SCAPER: variants seen among roughly 807,000 people sequenced by gnomAD.
The protein encoded by SCAPER is S-phase cyclin A associated protein in the ER.
SCAPER carries 98 observed loss-of-function variants against 182.2 expected under a neutral mutation model. That is an observed-to-expected ratio of 0.54 (90% CI 0.46 to 0.64). The LOEUF (loss-of-function observed/expected upper bound fraction) is 0.64. Ranked by LOEUF, SCAPER falls within the 30% of genes least tolerant of loss-of-function variation. The probability of loss-of-function intolerance (pLI) is 0.00; values close to 1 mark genes in which losing one functional copy is unlikely to be tolerated. For missense variants in SCAPER, 1,432 were observed against 1,690.0 expected, an observed-to-expected ratio of 0.85 and a Z score of 2.68; for synonymous variants, 605 against 564.6, an observed-to-expected ratio of 1.07 and a Z score of -1.01.
At chr15:76,638,058 A>G (rs1230197817) in intron 21 of SCAPER, among the ~76,000 whole-genome samples, 2 of 151,998 alleles carry the variant, frequency 1.3e-5, no homozygotes, top group African/African-American at 4.8e-5. Flanking sequence ...CTTCATTACC[A>G]ATATCTTTTA....
chr15:76,826,131 A>G (rs552401647), intron 5 of SCAPER, among the ~76,000 whole-genome samples: 8 of 152,290 alleles, frequency 5.3e-5, no homozygotes, highest in Admixed American at 2.6e-4. Flanking sequence ...CAATTAAAAA[A>G]TGGAATTATC....
chr15:76,434,050 A>G, intron 26 of SCAPER, 28 bp downstream of exon 26: 1 of 1,568,310 alleles, frequency 6.4e-7, no homozygotes, highest in African/African-American at 1.4e-5. Context: ...AACAAAGAAC[A>G]AAGTTTTAAG....
intron 24 of SCAPER, among the ~76,000 whole-genome samples, chr15:76,495,117 AT>A (rs2040365879): frequency 6.6e-6 from 1 of 152,184 alleles, no homozygotes; most frequent in Non-Finnish European, 1.5e-5. Context: ...GATGGGTTAC[AT>A]TAAAAAAAAT....
At chr15:76,429,094 G>T (rs1325402624) in intron 26 of SCAPER, among the ~76,000 whole-genome samples, 1 of 151,532 alleles carries the variant, frequency 6.6e-6, no homozygotes, top group Non-Finnish European at 1.5e-5. Context: ...TTATAAAAAG[G>T]AATTCCCTTG....
intron 25 of SCAPER, among the ~76,000 whole-genome samples, chr15:76,459,238 T>C (rs1264991965): frequency 6.6e-6 from 1 of 152,178 alleles, no homozygotes; most frequent in Non-Finnish European, 1.5e-5. Flanking sequence ...CATGTGGTAT[T>C]TGTCTTTTTG....
At chr15:76,740,500 T>C (rs1305875155) in intron 15 of SCAPER, among the ~76,000 whole-genome samples, 1 of 152,168 alleles carries the variant, frequency 6.6e-6, no homozygotes, top group Non-Finnish European at 1.5e-5. Context: ...GTAAGTCACC[T>C]ACAAGAAAGA....
At position 76,465,951 on chromosome 15, in the gene SCAPER, T is replaced by C. The variant is rs1011044234; in HGVS notation, c.3078+5261A>G. On this transcript the variant is annotated intron_variant, in intron 25 of 31. Transcript: ENST00000563290. ...TGAGAAATATGTTGATAGTCTGATG[T>C]GTGTTCCCTAGTACACGACAAGTCA... Among the ~76,000 whole-genome samples, 7 of 152,266 alleles carry C rather than the reference T, an allele frequency of 4.6e-5. No homozygotes were observed. In the South Asian group the frequency reaches 1.5e-3, roughly 32 times the overall value.
chr15:76,371,397 G>A (rs980503305), intron 29 of SCAPER, among the ~76,000 whole-genome samples: 2 of 149,614 alleles, frequency 1.3e-5, no homozygotes, highest in African/African-American at 4.9e-5. Flanking sequence ...TCGGCTCACC[G>A]CAACCTCCGC....
At chr15:76,743,800 G>A (rs543037275) in intron 15 of SCAPER, among the ~76,000 whole-genome samples, 115 of 152,074 alleles carry the variant, frequency 7.6e-4, no homozygotes, top group African/African-American at 2.6e-3. Flanking sequence ...TCTAAAATTC[G>A]TATGGAACCA....
At chr15:76,663,035 G>T (rs1418019652) in intron 21 of SCAPER, among the ~76,000 whole-genome samples, 1 of 152,052 alleles carries the variant, frequency 6.6e-6, no homozygotes, top group Non-Finnish European at 1.5e-5. Context: ...GCTCCAGAAT[G>T]AGAGAAAAGA....
chr15:76,539,694 C>G (rs1295608946), intron 23 of SCAPER, among the ~76,000 whole-genome samples: 1 of 151,896 alleles, frequency 6.6e-6, no homozygotes, highest in South Asian at 2.1e-4. Context: ...TACAGGCGCC[C>G]GCCACCTCAC....
chr15:76,838,439 A>G (rs2069145825), intron 5 of SCAPER, among the ~76,000 whole-genome samples: 1 of 152,186 alleles, frequency 6.6e-6, no homozygotes, highest in Non-Finnish European at 1.5e-5. Flanking sequence ...AAGCGTCCCC[A>G]AAGGAAGCTC....
chr15:76,455,365 T>A (rs2048652345), intron 25 of SCAPER, among the ~76,000 whole-genome samples: 1 of 152,258 alleles, frequency 6.6e-6, no homozygotes, highest in Admixed American at 6.5e-5. Context: ...TTTCTAAATG[T>A]ATATATGGAT....
intron 14 of SCAPER, among the ~76,000 whole-genome samples, chr15:76,760,522 A>G (rs999797499): frequency 6.6e-6 from 1 of 152,180 alleles, no homozygotes; most frequent in Non-Finnish European, 1.5e-5. Context: ...TTTTCATGGA[A>G]GCTTCATTAC....
At chr15:76,471,588 A>G (rs546790794) in intron 24 of SCAPER, among the ~76,000 whole-genome samples, 20 of 152,344 alleles carry the variant, frequency 1.3e-4, no homozygotes, top group African/African-American at 4.8e-4. Flanking sequence ...CAGATAATGG[A>G]AACATATTTT....
intron 24 of SCAPER, among the ~76,000 whole-genome samples, chr15:76,490,228 C>T (rs1348112433): frequency 6.6e-6 from 1 of 152,182 alleles, no homozygotes; most frequent in African/African-American, 2.4e-5. Flanking sequence ...ATACTGTTTT[C>T]CATAGTGGCT....
Position 76,596,974 on chromosome 15 carries a change from G to A in SCAPER, c.2712-22690C>T. Among the ~76,000 whole-genome samples, 3 of 121,762 alleles carry A rather than the reference G, an allele frequency of 2.5e-5. 1 individual carries two copies. In the South Asian group the frequency reaches 7.6e-4, roughly 31 times the overall value. 79.9% of individuals were successfully genotyped at this position (121,762 alleles called of 152,430 possible). ...TTCTGGCCAGGACAATCAGGCAAGA[G>A]AAAGAAATAAAGAGTATTCAAATAG... is the stretch of plus-strand genomic sequence containing the variant. On this transcript the variant is annotated intron_variant, in intron 22 of 31. Coordinates refer to ENST00000563290, the MANE Select transcript of SCAPER (RefSeq NM_020843.4).
intron 20 of SCAPER, among the ~76,000 whole-genome samples, chr15:76,680,148 C>T (rs925590332): frequency 2.6e-5 from 4 of 152,014 alleles, no homozygotes; most frequent in Non-Finnish European, 4.4e-5. Flanking sequence ...TCCTTAGTTT[C>T]GAGTAGCTTC....
intron 30 of SCAPER, among the ~76,000 whole-genome samples, chr15:76,352,890 T>C (rs531480451): frequency 6.6e-6 from 1 of 152,312 alleles, no homozygotes; most frequent in South Asian, 2.1e-4. Context: ...TATTTGTAGA[T>C]CTAAATATCT....
Sources: allele counts gnomAD v4.1 joint callset (sites outside exome capture counted in the v4.1 genomes callset), GRCh38; gene constraint gnomAD v4.1.1; transcripts MANE v1.5; gene names NCBI Gene and HGNC (gene_info 2026-07-23, HGNC 2026-07-21).